Variants in ASIC2 observed in about 807,000 individuals in gnomAD.
ASIC2 encodes the protein acid sensing ion channel subunit 2, also known as acid-sensing ion channel 2.
ASIC2 carries 25 observed loss-of-function variants against 57.3 expected under a neutral mutation model. The observed-to-expected ratio is 0.44, with a 90% CI of 0.32 to 0.61. ASIC2 has a LOEUF of 0.61. Ranked by LOEUF, ASIC2 falls within the 20% of genes least tolerant of loss-of-function variation. The pLI, the probability that ASIC2 is intolerant of heterozygous loss-of-function variation, is 0.06. For synonymous variants in ASIC2, 319 were observed against 307.5 expected, an observed-to-expected ratio of 1.04 and a Z score of -0.39; for missense variants, 641 against 738.1, an observed-to-expected ratio of 0.87 and a Z score of 1.52.
intron 1 of ASIC2, among the ~76,000 whole-genome samples, chr17:33,189,528 A>C (rs1009380721): frequency 6.6e-6 from 1 of 152,158 alleles, no homozygotes; most frequent in Non-Finnish European, 1.5e-5. Context: ...AGAGACTGTT[A>C]GATTGTATTG....
chr17:33,540,121 T>A (rs1399663376), intron 1 of ASIC2, among the ~76,000 whole-genome samples: 1 of 152,176 alleles, frequency 6.6e-6, no homozygotes, highest in Admixed American at 6.5e-5. Context: ...AGTTGGTTTT[T>A]CTGCAGCCTC....
intron 1 of ASIC2, among the ~76,000 whole-genome samples, chr17:33,514,938 G>T (rs536450161): frequency 6.6e-6 from 1 of 152,310 alleles, no homozygotes; most frequent in Non-Finnish European, 1.5e-5. Context: ...CTTTCTCCCA[G>T]ATGTTCTTTC....
intron 1 of ASIC2, among the ~76,000 whole-genome samples, chr17:33,375,949 C>T (rs1909261662): frequency 6.6e-6 from 1 of 152,042 alleles, no homozygotes; most frequent in South Asian, 2.1e-4. Flanking sequence ...CTCAAGTTAT[C>T]GACACAATGA....
At chr17:33,633,906 T>G (rs1906259295) in intron 1 of ASIC2, among the ~76,000 whole-genome samples, 1 of 152,198 alleles carries the variant, frequency 6.6e-6, no homozygotes, top group South Asian at 2.1e-4. Context: ...CCATCTTCTG[T>G]GCAAAGCCCC....
At chr17:33,365,718 T>TA (rs370002120) in intron 1 of ASIC2, among the ~76,000 whole-genome samples, 60 of 149,088 alleles carry the variant, frequency 4.0e-4, no homozygotes, top group African/African-American at 1.2e-3. Flanking sequence ...CCTGATGACT[T>TA]AAAAAAAAAA....
intron 1 of ASIC2, among the ~76,000 whole-genome samples, chr17:33,204,736 C>T (rs746376638): frequency 4.6e-5 from 7 of 152,188 alleles, no homozygotes; most frequent in African/African-American, 9.7e-5. Flanking sequence ...TGTGCATATG[C>T]GTGTGAACAT....
intron 1 of ASIC2, among the ~76,000 whole-genome samples, chr17:33,959,414 T>A (rs1441228187): frequency 1.3e-5 from 2 of 152,190 alleles, no homozygotes; most frequent in Non-Finnish European, 2.9e-5. Flanking sequence ...GAGCATTGAC[T>A]CAGACAATCA....
At chr17:33,818,158 G>C (rs181993615) in intron 1 of ASIC2, among the ~76,000 whole-genome samples, 46 of 152,244 alleles carry the variant, frequency 3.0e-4, no homozygotes, top group African/African-American at 1.1e-3. Flanking sequence ...CTCTTGATGA[G>C]GGTGTAACAA....
chr17:33,277,884 G>C (rs1000450168), intron 1 of ASIC2, among the ~76,000 whole-genome samples: 5 of 152,198 alleles, frequency 3.3e-5, no homozygotes, highest in African/African-American at 1.2e-4. Flanking sequence ...GAATCAGGCT[G>C]TTCTTTCATA....
intron 1 of ASIC2, among the ~76,000 whole-genome samples, chr17:33,575,387 G>A (rs1488053939): frequency 6.6e-6 from 1 of 152,178 alleles, no homozygotes; most frequent in Admixed American, 6.5e-5. Context: ...GTCTGGATTG[G>A]GAAGCACTGT....
At chr17:33,528,438 T>C (rs925395918) in intron 1 of ASIC2, among the ~76,000 whole-genome samples, 1 of 152,102 alleles carries the variant, frequency 6.6e-6, no homozygotes, top group Non-Finnish European at 1.5e-5. Flanking sequence ...TCTACACTTA[T>C]AATAAATAAG....
At chr17:33,855,919 T>C (rs1337383280) in intron 1 of ASIC2, among the ~76,000 whole-genome samples, 1 of 152,072 alleles carries the variant, frequency 6.6e-6, no homozygotes, top group Non-Finnish European at 1.5e-5. Flanking sequence ...TTGATGCTGG[T>C]GCTATGCCTG....
intron 1 of ASIC2, among the ~76,000 whole-genome samples, chr17:33,368,487 G>T (rs1908913251): frequency 6.6e-6 from 1 of 152,196 alleles, no homozygotes; most frequent in Non-Finnish European, 1.5e-5. Context: ...TTGAATTCCT[G>T]ACCCAAAGAG....
At chr17:33,377,176 G>A (rs1909310124) in intron 1 of ASIC2, among the ~76,000 whole-genome samples, 1 of 152,050 alleles carries the variant, frequency 6.6e-6, no homozygotes, top group African/African-American at 2.4e-5. Context: ...TTAGACTCCT[G>A]AGTAGCTGGG....
intron 1 of ASIC2, among the ~76,000 whole-genome samples, chr17:34,042,292 T>A (rs980676999): frequency 4.3e-4 from 66 of 152,204 alleles, no homozygotes; most frequent in African/African-American, 1.6e-3. Flanking sequence ...AACAGCTTTA[T>A]GTGTAATAAC....
chr17:33,789,004 A>C (rs1235028003), intron 1 of ASIC2, among the ~76,000 whole-genome samples: 1 of 152,194 alleles, frequency 6.6e-6, no homozygotes, highest in Admixed American at 6.6e-5. Flanking sequence ...CACATTCTGC[A>C]CATGTATCCC....
At chr17:33,533,599 T>C (rs547246883) in intron 1 of ASIC2, 1 of 152,352 alleles carries the variant, frequency 6.6e-6, no homozygotes, top group East Asian at 1.9e-4. Context: ...CATTTAGTTA[T>C]CTTACCTGTC....
At chr17:33,765,283 T>G (rs1399374429) in intron 1 of ASIC2, among the ~76,000 whole-genome samples, 1 of 152,010 alleles carries the variant, frequency 6.6e-6, no homozygotes, top group African/African-American at 2.4e-5. Context: ...TTTTTTTTTG[T>G]ATTTTTAGTA....
intron 1 of ASIC2, among the ~76,000 whole-genome samples, chr17:34,063,452 C>A (rs1909044505): frequency 6.6e-6 from 1 of 152,140 alleles, no homozygotes; most frequent in Admixed American, 6.5e-5. Context: ...CCTCTGAGAA[C>A]TGGAACAAGC....
Sources: allele counts gnomAD v4.1 joint callset (sites outside exome capture counted in the v4.1 genomes callset), GRCh38; gene constraint gnomAD v4.1.1; transcripts MANE v1.5; gene names NCBI Gene and HGNC (gene_info 2026-07-23, HGNC 2026-07-21).